Variants in ZSWIM8 observed in about 807,000 individuals in gnomAD.
ZSWIM8 encodes the protein zinc finger SWIM-type containing 8.
A neutral mutation model predicts 173.7 loss-of-function variants in ZSWIM8; 27 were observed. The observed-to-expected ratio is 0.16, with a 90% CI of 0.11 to 0.21. The LOEUF (loss-of-function observed/expected upper bound fraction) is 0.21. Among genes scored for constraint, ZSWIM8 ranks in the 10% least tolerant of loss-of-function variants. ZSWIM8 has a pLI of 1.00. For missense variants in ZSWIM8, 1,627 were observed against 2,428.8 expected (o/e 0.67, Z 6.94); for synonymous variants, 958 against 962.0 (o/e 1.00, Z 0.08).
At chr10:73,790,904 G>A in intron 7 of ZSWIM8, 71 bp from the exon 8 acceptor site, 1 of 1,416,928 alleles carries the variant, frequency 7.1e-7, no homozygotes, top group Non-Finnish European at 9.6e-7. Context: ...GTATTTTGGG[G>A]CCGGAAGCCC....
chr10:73,800,799 C>A lies in ZSWIM8; in HGVS notation c.5122+40C>A. 6.3e-6 allele frequency: 9 copies of A among 1,419,900 alleles called. No individual in the cohort carries two copies. The highest frequency in any genetic ancestry group is 8.7e-6 in the Non-Finnish European group (9 of 1,034,452). The allele number at this position is 1,419,900 out of a possible 1,614,324, so 88.0% of individuals were successfully genotyped here. ...CCCTAGGACCATTGCCCCCCCCCCA[C>A]CTGCTCTCCCCACCTTCCTTATCCC... On this transcript the variant is annotated intron_variant, in intron 24 of 25. Coordinates refer to ENST00000604729, the MANE Select transcript of ZSWIM8 (RefSeq NM_001367799.1). This position sits in a 1 kb window ranked among gnomAD's most constrained non-coding sequence, Gnocchi z 4.1.
In ZSWIM8 at chr10:73,799,245, ACAGTGGCAGCGGCAG is replaced by A. The variant is rs1454549749; in HGVS notation, c.4426_4440del (p.Ala1476_Val1480del). The A allele has an allele frequency of 8.1e-6, 13 of 1,602,864 alleles. No homozygotes were observed. The highest frequency in any genetic ancestry group is 1.1e-5 in the Non-Finnish European group (13 of 1,174,896). On this transcript the variant is annotated inframe_deletion, in exon 21 of 26. Transcript: ENST00000604729. Reference sequence around the variant, plus strand: ...AGGGGGCCCAGGGACTGAGCCGGTTACAGTGGCAGCGGCAGCAGTGACAGCAGCAGCCACAGTGGT... The same window carrying A: ...AGGGGGCCCAGGGACTGAGCCGGTTACAGTGACAGCAGCAGCCACAGTGGT...
intron 21 of ZSWIM8, chr10:73,799,787 C>A (rs1028569029): frequency 3.2e-6 from 2 of 630,766 alleles, no homozygotes; most frequent in Admixed American, 2.9e-5. Flanking sequence ...GCTGAGTGCA[C>A]GCCTGTAATC....
intron 21 of ZSWIM8, 36 bp from the exon 22 acceptor site, chr10:73,799,975 G>A (rs2083859215): frequency 6.2e-7 from 1 of 1,603,196 alleles, no homozygotes; most frequent in Non-Finnish European, 8.5e-7. Flanking sequence ...TCCTAATCAA[G>A]TTTGGCATCT....
In ZSWIM8 at chr10:73,801,312, C is replaced by T. The variant is rs1421121424; in HGVS notation, c.5302-4C>T. The T allele has an allele frequency of 6.2e-7, 1 of 1,613,660 alleles. No homozygotes were observed. Among genetic ancestry groups the T allele is most frequent in the East Asian group, 2.2e-5 (1 of 44,878 alleles). Reference sequence around the variant, plus strand: ...AGGCTCATCCTGCACACATCCTCCTCCAGTACATCCACCACCGCTTGATTC... The same window carrying T: ...AGGCTCATCCTGCACACATCCTCCTTCAGTACATCCACCACCGCTTGATTC... On this transcript the variant is annotated splice_region_variant and splice_polypyrimidine_tract_variant and intron_variant, in intron 25 of 25. Transcript: ENST00000604729. The surrounding 1 kb of genome is among the most constrained non-coding windows in gnomAD (Gnocchi z 4.9).
intron 10 of ZSWIM8, 103 bp from the exon 11 acceptor site, chr10:73,793,485 C>A (rs563685267): frequency 1.5e-6 from 2 of 1,348,252 alleles, no homozygotes; most frequent in Admixed American, 2.5e-5. Context: ...CAGGGCCTGG[C>A]ATGTAGCAAG....
rs1037513465 is a variant in ZSWIM8, at chr10:73,801,268, G to A, written c.5302-48G>A. On this transcript the variant is annotated intron_variant, in intron 25 of 25. Transcript: ENST00000604729. The surrounding 1 kb of genome is among the most constrained non-coding windows in gnomAD (Gnocchi z 4.9). ...CTTGGACCAGAGGGAGGCAGGGCCT[G>A]TTTCTGTGCTTTGTACTAAGGCTCA... The A allele has an allele frequency of 1.9e-6, 3 of 1,606,502 alleles. No individual in the cohort carries two copies. Among genetic ancestry groups the A allele is most frequent in the Non-Finnish European group, 2.6e-6 (3 of 1,174,682 alleles).
chr10:73,801,051 A>G lies in ZSWIM8; in HGVS notation c.5157A>G (p.Ala1719=), dbSNP rs1405482212. Residue 1719 remains alanine, a synonymous_variant, in exon 25 of 26, where the codon GCA becomes GCG. Transcript: ENST00000604729. This position sits in a 1 kb window ranked among gnomAD's most constrained non-coding sequence, Gnocchi z 4.9. The part of the protein sequence containing the change: ...VNYVHQFCVG[A]AKGVLSPFVL... Reference sequence around the variant, plus strand: ...ACGTGCACCAGTTCTGTGTGGGGGCAGCCAAGGGGGTGCTGAGCCCGTTTG... The same window carrying G: ...ACGTGCACCAGTTCTGTGTGGGGGCGGCCAAGGGGGTGCTGAGCCCGTTTG... The G allele has an allele frequency of 6.4e-7, 1 of 1,556,664 alleles. No individual in the cohort carries two copies. The highest frequency in any genetic ancestry group is 1.4e-5 in the African/African-American group (1 of 73,474).
At position 73,800,675 on chromosome 10, in the gene ZSWIM8, C is replaced by A; in HGVS notation, c.5038C>A (p.His1680Asn). 1.9e-6 allele frequency: 3 copies of A among 1,613,800 alleles called. No individual in the cohort carries two copies. The highest frequency in any genetic ancestry group is 2.5e-6 in the Non-Finnish European group (3 of 1,179,796). The part of the protein sequence containing the change: ...LALEMLGRRA[H>N]NDHPNNFSRS... ...ACTGGAGATGCTGGGTCGCCGGGCA[C>A]ACAACGATCACCCCAACAACTTCTC... The change falls in exon 24 of 26, where the codon CAC becomes AAC. Residue 1680 changes from histidine (H) to asparagine (N), a missense_variant. By Grantham distance (68) the His-to-Asn change is moderately conservative. This residue lies in a region of ZSWIM8 where 30 missense variants were observed against 20.9 expected (regional missense o/e 1.44). Transcript: ENST00000604729. The surrounding 1 kb of genome is among the most constrained non-coding windows in gnomAD (Gnocchi z 4.1).
In ZSWIM8 at chr10:73,789,422, C is replaced by G; in HGVS notation, c.513C>G (p.Ala171=). ...CTCAGATGGTCCCTCCTAAAGGGGC[C>G]TACAACGTGGCTGTGATGTTTGACC... ...VPPQMVPPKG[A]YNVAVMFDRC... is the part of the protein sequence containing the mutation. Residue 171 remains alanine, a synonymous_variant, in exon 4 of 26, where the codon GCC becomes GCG. Transcript: ENST00000604729. This position sits in a 1 kb window ranked among gnomAD's most constrained non-coding sequence, Gnocchi z 6.8. The G allele has an allele frequency of 6.3e-7, 1 of 1,593,566 alleles. No homozygotes were observed. Among genetic ancestry groups the G allele is most frequent in the Non-Finnish European group, 8.5e-7 (1 of 1,169,834 alleles).
At position 73,792,760 on chromosome 10, in the gene ZSWIM8, G is replaced by A. The variant is rs768376508; in HGVS notation, c.2221G>A (p.Gly741Arg). Residue 741 changes from glycine to arginine, a missense_variant, in exon 10 of 26, where the codon GGG becomes AGG. Coordinates refer to ENST00000604729, the MANE Select transcript of ZSWIM8 (RefSeq NM_001367799.1). This position sits in a 1 kb window ranked among gnomAD's most constrained non-coding sequence, Gnocchi z 4.3. The part of the protein sequence containing the change: ...AYYLNAQDGA[G>R]GEEEKAEGGA... ...CTATCTGAATGCCCAGGATGGGGCT[G>A]GGGGCGAGGAAGAGAAGGCCGAGGG... The A allele has an allele frequency of 2.0e-5, 32 of 1,612,618 alleles. No homozygotes were observed. The Admixed American group carries it at 5.3e-4, about 27-fold the overall frequency.
At chr10:73,786,125 G>T in intron 1 of ZSWIM8, 39 bp downstream of exon 1, 6 of 1,499,494 alleles carry the variant, frequency 4.0e-6, no homozygotes, top group Non-Finnish European at 5.4e-6. Flanking sequence ...GGCAGGCCCT[G>T]CTTGGGCCTC....
At position 73,799,422 on chromosome 10, in the gene ZSWIM8, C is replaced by T. The variant is rs2083814747; in HGVS notation, c.4597C>T (p.Pro1533Ser). ...SPQYLTHPAH[P>S]AHPMPHMPRP... ...TCAGTATCTCACTCACCCAGCTCACCCTGCCCACCCCATGCCTCACATGCC... is the reference window on the plus strand; with the variant it reads ...TCAGTATCTCACTCACCCAGCTCACTCTGCCCACCCCATGCCTCACATGCC... Residue 1533 changes from proline (P) to serine (S), a missense_variant, in exon 21 of 26, where the codon CCT becomes TCT. Pro to Ser is a moderately conservative substitution (Grantham distance 74). Coordinates refer to ENST00000604729, the MANE Select transcript of ZSWIM8 (RefSeq NM_001367799.1). 1.9e-6 allele frequency: 3 copies of T among 1,609,126 alleles called. No homozygotes were observed. The highest frequency in any genetic ancestry group is 1.7e-5 in the Admixed American group (1 of 59,434).
rs2083534769 is a variant in ZSWIM8, at chr10:73,794,429, C to A, written c.2809+99C>A. 10 of 1,558,760 alleles carry A rather than the reference C, an allele frequency of 6.4e-6. No individual in the cohort carries two copies. The East Asian group carries it at 2.2e-4, about 35-fold the overall frequency. Reference sequence around the variant, plus strand: ...CAAGTTTCTGAATCACCTTTAGGACCCATCAGGCAGCTTCATGGGTAGGTC... The same window carrying A: ...CAAGTTTCTGAATCACCTTTAGGACACATCAGGCAGCTTCATGGGTAGGTC... On this transcript the variant is annotated intron_variant, in intron 13 of 25. Transcript: ENST00000604729.
chr10:73,795,341 T>TG (rs2083589471), intron 14 of ZSWIM8, among the ~76,000 whole-genome samples, 198 bp from the exon 15 acceptor site: 4 of 152,188 alleles, frequency 2.6e-5, no homozygotes, highest in Admixed American at 2.6e-4. Context: ...AGATTGGACC[T>TG]GGTTATGAAG....
chr10:73,797,635 G>C lies in ZSWIM8; in HGVS notation c.3662+30G>C. On this transcript the variant is annotated intron_variant, in intron 18 of 25. Transcript: ENST00000604729. This position sits in a 1 kb window ranked among gnomAD's most constrained non-coding sequence, Gnocchi z 5.6. ...GTGGGAAGAACTCCCCATCTTCCCT[G>C]ATCTGGCCCACCCTCAGAGCCACAC... The C allele has an allele frequency of 6.2e-7, 1 of 1,609,674 alleles. No homozygotes were observed. The highest frequency in any genetic ancestry group is 1.3e-5 in the African/African-American group (1 of 74,930).
In ZSWIM8 at chr10:73,801,173, G is replaced by A. The variant is rs757881309; in HGVS notation, c.5279G>A (p.Arg1760His). The A allele has an allele frequency of 1.3e-6, 2 of 1,599,008 alleles. No homozygotes were observed. Among genetic ancestry groups the A allele is most frequent in the South Asian group, 1.1e-5 (1 of 88,558 alleles). Residue 1760 changes from arginine (R) to histidine (H), a missense_variant, in exon 25 of 26, where the codon CGC (arginine) becomes CAC (histidine). This residue lies in a region of ZSWIM8 where 122 missense variants were observed against 196.1 expected (regional missense o/e 0.62). Transcript: ENST00000604729. The surrounding 1 kb of genome is among the most constrained non-coding windows in gnomAD (Gnocchi z 4.9). ...CCGGCCTTCCACCAACTGGTGCAGC[G>A]CTGCCAGCAGGCATACATGCAGGTG... The part of the protein sequence containing the change: ...RAPAFHQLVQ[R>H]CQQAYMQYIH...
At position 73,789,671 on chromosome 10, in the gene ZSWIM8, C is replaced by G. The variant is rs750404797; in HGVS notation, c.631-46C>G. 1.3e-6 allele frequency: 2 copies of G among 1,559,064 alleles called. No individual in the cohort carries two copies. The highest frequency in any genetic ancestry group is 1.7e-6 in the Non-Finnish European group (2 of 1,149,338). ...CTCTGTCCCCCAGCTCCAGCTCCAG[C>G]AAACCTGTTCTCAGATTGTTCCATT... On this transcript the variant is annotated intron_variant, in intron 4 of 25. Coordinates refer to ENST00000604729, the MANE Select transcript of ZSWIM8 (RefSeq NM_001367799.1). The surrounding 1 kb of genome is among the most constrained non-coding windows in gnomAD (Gnocchi z 6.8).
intron 10 of ZSWIM8, 25 bp from the exon 11 acceptor site, chr10:73,793,563 G>T (rs1032592040): frequency 2.6e-6 from 4 of 1,554,840 alleles, no homozygotes; most frequent in Non-Finnish European, 2.6e-6. Flanking sequence ...ACTTTAACCT[G>T]TCTGGTCCCA....
Sources: gnomAD v4.1 joint callset for allele counts (sites outside exome capture counted in the v4.1 genomes callset) on GRCh38, gnomAD v4.1.1 for gene constraint, gnomAD v4.1.1 regional missense constraint, Gnocchi (gnomAD v3.1) non-coding constraint, MANE v1.5 for transcripts, NCBI Gene and HGNC (gene_info 2026-07-23, HGNC 2026-07-21) for gene names.